Variants in LEPR observed in about 807,000 individuals in gnomAD.
LEPR encodes OB receptor.
LEPR carries 56 observed loss-of-function variants against 114.7 expected under a neutral mutation model. The ratio of observed to expected loss-of-function variants is 0.49; its 90% confidence interval spans 0.39 to 0.61. The LOEUF is 0.61. Ranked by LOEUF, LEPR falls within the 20% of genes least tolerant of loss-of-function variation. The probability of loss-of-function intolerance (pLI) is 0.00; values close to 1 mark genes in which losing one functional copy is unlikely to be tolerated. For synonymous variants in LEPR, 443 were observed against 461.4 expected, an observed-to-expected ratio of 0.96 and a Z score of 0.51; for missense variants, 1,202 against 1,352.9, an observed-to-expected ratio of 0.89 and a Z score of 1.75.
At chr1:65,442,214 C>G (rs748048227) in intron 2 of LEPR, among the ~76,000 whole-genome samples, 6 of 152,168 alleles carry the variant, frequency 3.9e-5, no homozygotes, top group Non-Finnish European at 8.8e-5. Flanking sequence ...AGGTTGGTGC[C>G]TTATGAGGCT....
chr1:65,606,529 A>G (rs1656820406), intron 11 of LEPR, among the ~76,000 whole-genome samples: 1 of 152,176 alleles, frequency 6.6e-6, no homozygotes, highest in South Asian at 2.1e-4. Context: ...CACAGGCACT[A>G]TGTGTCTGTT....
chr1:65,537,093 A>T (rs1336655942), intron 2 of LEPR, among the ~76,000 whole-genome samples: 3 of 152,202 alleles, frequency 2.0e-5, no homozygotes, highest in Non-Finnish European at 4.4e-5. Context: ...AATGATGCTG[A>T]TGCCAGAGGT....
intron 2 of LEPR, among the ~76,000 whole-genome samples, chr1:65,524,196 G>T (rs768546350): frequency 6.6e-6 from 1 of 152,150 alleles, no homozygotes; most frequent in Non-Finnish European, 1.5e-5. Flanking sequence ...ATGTTAGTTC[G>T]TACTGATTAT....
chr1:65,503,655 G>A (rs958041566), intron 2 of LEPR, among the ~76,000 whole-genome samples: 1 of 152,160 alleles, frequency 6.6e-6, no homozygotes, highest in African/African-American at 2.4e-5. Context: ...TTACAGGAAA[G>A]CATGGGGAGA....
At chr1:65,486,081 A>G (rs1275691873) in intron 2 of LEPR, among the ~76,000 whole-genome samples, 2 of 152,176 alleles carry the variant, frequency 1.3e-5, no homozygotes, top group Non-Finnish European at 2.9e-5. Context: ...GGGAAGCACA[A>G]TCTTCTGGGA....
chr1:65,607,621 T>C (rs1321800400), intron 11 of LEPR, among the ~76,000 whole-genome samples: 1 of 152,254 alleles, frequency 6.6e-6, no homozygotes, highest in Admixed American at 6.5e-5. Context: ...TATGTAAATG[T>C]AGTGTGTATC....
intron 11 of LEPR, among the ~76,000 whole-genome samples, chr1:65,606,323 C>T (rs1157830854): frequency 6.6e-6 from 1 of 152,140 alleles, no homozygotes; most frequent in Admixed American, 6.5e-5. Flanking sequence ...AACACACTCA[C>T]TTATAAGATA....
Position 65,637,667 on chromosome 1 carries a change from C to A in LEPR, c.*652C>A, listed in dbSNP as rs7518632. On this transcript the variant is annotated 3_prime_UTR_variant, in exon 20 of 20. Coordinates refer to ENST00000349533, the MANE Select transcript of LEPR (RefSeq NM_002303.6). ...ACATAATGTCAGTTTTAATTCTTCT[C>A]TCTGAAAGATGTTGAAGTGGTCACT... 0.21 allele frequency: 32,246 copies of A among 152,112 alleles called. 4,580 individuals carry two copies. Among genetic ancestry groups the A allele is most frequent in the East Asian group, 0.77 (3,982 of 5,154 alleles). 9.4% of individuals were successfully genotyped at this position (152,112 alleles called of 1,614,324 possible).
chr1:65,602,702 A>C (rs1414280742), intron 10 of LEPR, among the ~76,000 whole-genome samples: 2 of 152,102 alleles, frequency 1.3e-5, no homozygotes, highest in Non-Finnish European at 2.9e-5. Context: ...AATTTGTATA[A>C]CATGCTCATT....
At position 65,637,981 on chromosome 1, in the gene LEPR, T is replaced by A. The variant is rs950122023; in HGVS notation, c.*966T>A. ...AGTTCAGATTTAAATCCAGATTTTT[T>A]AATGCTAATGATTATGTTTTTAACC... On this transcript the variant is annotated 3_prime_UTR_variant, in exon 20 of 20. Transcript: ENST00000349533. 1 of 152,186 alleles carries A rather than the reference T, an allele frequency of 6.6e-6. No individual in the cohort carries two copies. The highest frequency in any genetic ancestry group is 1.9e-4 in the East Asian group (1 of 5,194). 9.4% of individuals were successfully genotyped at this position (152,186 alleles called of 1,614,324 possible). A position where few individuals can be genotyped will look rare whatever the true frequency, so the allele number is the denominator to read the frequency against.
chr1:65,426,475 C>T (rs114261656), intron 2 of LEPR, among the ~76,000 whole-genome samples: 7 of 151,832 alleles, frequency 4.6e-5, no homozygotes, highest in African/African-American at 9.7e-5. Flanking sequence ...CTTGCCATAA[C>T]GTGAGACTAG....
chr1:65,447,710 T>C (rs887727598), intron 2 of LEPR, among the ~76,000 whole-genome samples: 7 of 152,012 alleles, frequency 4.6e-5, no homozygotes, highest in African/African-American at 1.7e-4. Context: ...TTTTTTTGTA[T>C]TTTTGTTTTG....
intron 2 of LEPR, among the ~76,000 whole-genome samples, chr1:65,491,363 G>A (rs766122653): frequency 6.6e-5 from 10 of 152,098 alleles, no homozygotes; most frequent in Non-Finnish European, 1.3e-4. Flanking sequence ...CCAGCTAACA[G>A]GTCTGAGTCT....
At position 65,570,604 on chromosome 1, in the gene LEPR, T is replaced by C. The variant is rs150657671; in HGVS notation, c.172T>C (p.Ser58Pro). ...GCCTGCTGGACTCTCAAAGAATACT[T>C]CAAATTCGAATGGACATTATGAGAC... ...LLPAGLSKNT[S>P]NSNGHYETAV... Residue 58 changes from serine to proline, a missense_variant, in exon 4 of 20, where the codon TCA becomes CCA. Physicochemically the swap from Ser to Pro is moderately conservative, Grantham distance 74. Transcript: ENST00000349533. 1.2e-6 allele frequency: 2 copies of C among 1,614,020 alleles called. No homozygotes were observed. The highest frequency in any genetic ancestry group is 1.7e-6 in the Non-Finnish European group (2 of 1,179,944).
chr1:65,514,809 T>A (rs976875858), intron 2 of LEPR, among the ~76,000 whole-genome samples: 3 of 152,236 alleles, frequency 2.0e-5, no homozygotes, highest in African/African-American at 7.2e-5. Context: ...CCTTTTATAC[T>A]TGAGTCCAAT....
chr1:65,493,204 T>C (rs1026931220), intron 2 of LEPR, among the ~76,000 whole-genome samples: 2 of 152,104 alleles, frequency 1.3e-5, no homozygotes, highest in South Asian at 2.1e-4. Flanking sequence ...TTATTTCAGG[T>C]ACTTTTTTGT....
intron 2 of LEPR, among the ~76,000 whole-genome samples, chr1:65,477,363 T>G (rs1430969834): frequency 6.6e-6 from 1 of 152,252 alleles, no homozygotes; most frequent in African/African-American, 2.4e-5. Context: ...CTTCAGTATC[T>G]ACAGTCGTTA....
intron 2 of LEPR, among the ~76,000 whole-genome samples, chr1:65,426,896 G>T (rs1447866297): frequency 6.6e-6 from 1 of 152,174 alleles, no homozygotes; most frequent in Non-Finnish European, 1.5e-5. Context: ...TACTTAGGAG[G>T]CTGAGGCAGG....
chr1:65,613,558 C>T lies in LEPR; in HGVS notation c.1996-2450C>T, dbSNP rs914269328. 2.0e-5 allele frequency among the ~76,000 whole-genome samples: 2 copies of T among 100,050 alleles called. 1 individual carries two copies. Among genetic ancestry groups the T allele is most frequent in the Non-Finnish European group, 4.3e-5 (2 of 46,728 alleles). 65.6% of individuals were successfully genotyped at this position (100,050 alleles called of 152,430 possible). A position where few individuals can be genotyped will look rare whatever the true frequency, so the allele number is the denominator to read the frequency against. On this transcript the variant is annotated intron_variant, in intron 14 of 19. Transcript: ENST00000349533. ...CACGAGGTCAGGAGATCGAGACCAT[C>T]CTGGCTAACAAGGTGAAACCCCGTC...
Sources: allele counts gnomAD v4.1 joint callset (sites outside exome capture counted in the v4.1 genomes callset), GRCh38; gene constraint gnomAD v4.1.1; transcripts MANE v1.5; gene names NCBI Gene and HGNC (gene_info 2026-07-23, HGNC 2026-07-21).